Variants in MAGI1 observed in about 807,000 individuals in gnomAD.
MAGI1 encodes membrane-associated guanylate kinase, WW and PDZ domain-containing protein 1.
MAGI1 carries 58 observed loss-of-function variants against 139.9 expected under a neutral mutation model. The observed-to-expected ratio is 0.41, with a 90% confidence interval of 0.34 to 0.52. MAGI1 has a LOEUF of 0.52. Ranked by LOEUF, MAGI1 falls within the 20% of genes least tolerant of loss-of-function variation. MAGI1 has a pLI of 0.12. For synonymous variants in MAGI1, 812 were observed against 737.9 expected (o/e 1.10, Z -1.63); for missense variants, 1,874 against 1,901.6 (o/e 0.99, Z 0.27).
intron 1 of MAGI1, among the ~76,000 whole-genome samples, chr3:65,659,132 G>C (rs531032720): frequency 2.4e-4 from 36 of 152,194 alleles, no homozygotes; most frequent in African/African-American, 8.7e-4. Context: ...TACAGAGCCA[G>C]TCTGACTCTC....
intron 2 of MAGI1, among the ~76,000 whole-genome samples, chr3:65,499,527 T>C (rs2077002171): frequency 6.6e-6 from 1 of 152,088 alleles, no homozygotes; most frequent in Non-Finnish European, 1.5e-5. Flanking sequence ...CAGGTAACTG[T>C]AGTCCTAGTT....
chr3:65,939,772 T>A lies in MAGI1; in HGVS notation c.313+98224A>T, dbSNP rs72908916. On this transcript the variant is annotated intron_variant, in intron 1 of 22. Transcript: ENST00000402939. ...TTAGTAGTCATGGTATCAAGTCTCATGAGGGTTTGAGTCTAACAAGGTTTG... is the reference window on the plus strand; with the variant it reads ...TTAGTAGTCATGGTATCAAGTCTCAAGAGGGTTTGAGTCTAACAAGGTTTG... Among the ~76,000 whole-genome samples the A allele has an allele frequency of 6.6e-3, 1,004 of 152,274 alleles. 9 individuals carry two copies. Among genetic ancestry groups the A allele is most frequent in the African/African-American group, 0.023 (946 of 41,554 alleles).
rs539855954 is a variant in MAGI1, at chr3:65,618,567, CT to C, written c.430+3404del. Among the ~76,000 whole-genome samples, 965 of 149,990 alleles carry C rather than the reference CT, an allele frequency of 6.4e-3. 3 individuals are homozygous for C. Among genetic ancestry groups the C allele is most frequent in the Non-Finnish European group, 9.4e-3 (633 of 67,306 alleles). On this transcript the variant is annotated intron_variant, in intron 2 of 22. Transcript: ENST00000402939. ...GAGCTCTAAATTCAGCCATCAGAAA[CT>C]TTTTTTTTTCTTTTACTCTCAATAG...
At chr3:65,834,581 C>T (rs2042704989) in intron 1 of MAGI1, among the ~76,000 whole-genome samples, 1 of 152,166 alleles carries the variant, frequency 6.6e-6, no homozygotes. Context: ...TCTATAAATG[C>T]CAATTAGATT....
At chr3:65,897,581 TGTTGTGC>T (rs2061029133) in intron 1 of MAGI1, among the ~76,000 whole-genome samples, 1 of 139,636 alleles carries the variant, frequency 7.2e-6, no homozygotes. Flanking sequence ...CAAACCTGCA[TGTTGTGC>T]ACATGTACCC....
chr3:65,911,900 A>G (rs1246471894), intron 1 of MAGI1, among the ~76,000 whole-genome samples: 1 of 152,144 alleles, frequency 6.6e-6, no homozygotes, highest in African/African-American at 2.4e-5. Flanking sequence ...ATTCCTCATT[A>G]TAGGTAGGGT....
At chr3:65,435,169 G>C (rs568184101) in intron 10 of MAGI1, among the ~76,000 whole-genome samples, 3 of 152,020 alleles carry the variant, frequency 2.0e-5, no homozygotes, top group Non-Finnish European at 4.4e-5. Flanking sequence ...ATGGCAACTT[G>C]TTATAGCAGC....
intron 1 of MAGI1, among the ~76,000 whole-genome samples, chr3:65,745,954 T>G (rs1450051325): frequency 6.6e-6 from 1 of 152,220 alleles, no homozygotes; most frequent in Non-Finnish European, 1.5e-5. Context: ...GGTCTCGAAC[T>G]CCTGGCCTAA....
intron 2 of MAGI1, among the ~76,000 whole-genome samples, chr3:65,519,193 C>T (rs1347740133): frequency 6.6e-6 from 1 of 152,014 alleles, no homozygotes; most frequent in Non-Finnish European, 1.5e-5. Flanking sequence ...CCATTACTTT[C>T]TTTATTGCAC....
At chr3:65,914,454 T>A (rs1302368554) in intron 1 of MAGI1, among the ~76,000 whole-genome samples, 3 of 152,144 alleles carry the variant, frequency 2.0e-5, no homozygotes, top group Non-Finnish European at 2.9e-5. Context: ...AAGCAGACAA[T>A]GTCTGAAAAA....
chr3:65,991,501 G>C (rs1326903452), intron 1 of MAGI1, among the ~76,000 whole-genome samples: 2 of 152,062 alleles, frequency 1.3e-5, no homozygotes, highest in African/African-American at 4.8e-5. Context: ...GACAGAACCA[G>C]ACGTCGCTTT....
At chr3:65,969,390 T>C (rs1237622439) in intron 1 of MAGI1, among the ~76,000 whole-genome samples, 1 of 152,180 alleles carries the variant, frequency 6.6e-6, no homozygotes, top group Non-Finnish European at 1.5e-5. Flanking sequence ...AGAATGTTTA[T>C]CAGCATCCCT....
At chr3:65,906,746 C>T (rs999135177) in intron 1 of MAGI1, among the ~76,000 whole-genome samples, 13 of 151,750 alleles carry the variant, frequency 8.6e-5, no homozygotes, top group South Asian at 2.1e-4. Context: ...ATTAAGTGGG[C>T]GTGGTGGTGG....
chr3:65,503,046 G>C (rs971509082), intron 2 of MAGI1, among the ~76,000 whole-genome samples: 1 of 152,074 alleles, frequency 6.6e-6, no homozygotes, highest in Non-Finnish European at 1.5e-5. Context: ...GTGTCACTAA[G>C]CAACACACAC....
In MAGI1 at chr3:65,864,204, C is replaced by A. The variant is rs563383004; in HGVS notation, c.313+173792G>T. Among the ~76,000 whole-genome samples, 8 of 152,234 alleles carry A rather than the reference C, an allele frequency of 5.3e-5. No homozygotes were observed. In the South Asian group the frequency reaches 1.7e-3, roughly 32 times the overall value. ...CTGTCAACCTAAATACATACACAGA[C>A]ACACACAGACATAGAGAAACGTATA... is the stretch of plus-strand genomic sequence containing the variant. On this transcript the variant is annotated intron_variant, in intron 1 of 22. Coordinates refer to ENST00000402939, the MANE Select transcript of MAGI1 (RefSeq NM_001033057.2).
chr3:65,830,673 T>C (rs1002716449), intron 1 of MAGI1, among the ~76,000 whole-genome samples: 10 of 114,352 alleles, frequency 8.7e-5, no homozygotes, highest in South Asian at 3.1e-4. Flanking sequence ...TATTATATTA[T>C]GCAATCTGTT....
At chr3:65,410,847 A>C (rs1257052850) in intron 12 of MAGI1, among the ~76,000 whole-genome samples, 1 of 152,198 alleles carries the variant, frequency 6.6e-6, no homozygotes, top group Non-Finnish European at 1.5e-5. Context: ...AAAGCTACAC[A>C]ACTAACAGGT....
rs2077052703 is a variant in MAGI1 at position 65,500,828 on chromosome 3, T to C, written c.431-7197A>G. Among the ~76,000 whole-genome samples the C allele has an allele frequency of 2.6e-5, 4 of 152,236 alleles. No homozygotes were observed. The South Asian group carries it at 8.3e-4, about 31-fold the overall frequency. Reference sequence around the variant, plus strand: ...GCTGTTAAATTAATCAGGGTCCTGCTTGTCAAAATCTAACAAGACTTCAAA... The same window carrying C: ...GCTGTTAAATTAATCAGGGTCCTGCCTGTCAAAATCTAACAAGACTTCAAA... On this transcript the variant is annotated intron_variant, in intron 2 of 22. Coordinates refer to ENST00000402939, the MANE Select transcript of MAGI1 (RefSeq NM_001033057.2).
intron 2 of MAGI1, among the ~76,000 whole-genome samples, chr3:65,514,291 A>C (rs1462892735): frequency 1.3e-3 from 178 of 136,468 alleles, no homozygotes; most frequent in Non-Finnish European, 2.1e-3. Context: ...TGGCAACAAA[A>C]GACAAAATTG....
Sources: gnomAD v4.1 joint callset for allele counts (sites outside exome capture counted in the v4.1 genomes callset) on GRCh38, gnomAD v4.1.1 for gene constraint, MANE v1.5 for transcripts, NCBI Gene and HGNC (gene_info 2026-07-23, HGNC 2026-07-21) for gene names.